The following SDK1 variants were observed in gnomAD, a reference collection of about 807,000 sequenced individuals.
SDK1 encodes the protein sidekick cell adhesion molecule 1, also known as protein sidekick-1.
In SDK1, 157 loss-of-function variants were observed where a neutral mutation model predicts 245.5. The ratio of observed to expected loss-of-function variants is 0.64; its 90% CI spans 0.56 to 0.73. The LOEUF is 0.73. Ranked by LOEUF, SDK1 falls within the 30% of genes least tolerant of loss-of-function variation. SDK1 has a pLI of 0.00. For missense variants in SDK1, 3,583 were observed against 3,002.3 expected, an observed-to-expected ratio of 1.19 and a Z score of -4.52; for synonymous variants, 1,647 against 1,278.5, an observed-to-expected ratio of 1.29 and a Z score of -6.15.
At chr7:3,324,497 A>G (rs780655940) in intron 1 of SDK1, among the ~76,000 whole-genome samples, 2 of 152,154 alleles carry the variant, frequency 1.3e-5, no homozygotes, top group African/African-American at 4.8e-5. Flanking sequence ...ATAGGATAAG[A>G]ATAGGAGGTG....
At chr7:3,952,111 T>C (rs900988223) in intron 7 of SDK1, 191 bp downstream of exon 7, 1 of 595,818 alleles carries the variant, frequency 1.7e-6, no homozygotes, top group Non-Finnish European at 2.9e-6. Context: ...AAATCCAAAG[T>C]GTTGATGTTC....
At chr7:3,741,447 T>C (rs1779471638) in intron 4 of SDK1, among the ~76,000 whole-genome samples, 1 of 152,214 alleles carries the variant, frequency 6.6e-6, no homozygotes, top group African/African-American at 2.4e-5. Flanking sequence ...GTGTGAAGCT[T>C]ATTTTAGCTG....
intron 1 of SDK1, among the ~76,000 whole-genome samples, chr7:3,516,763 T>C (rs1782764748): frequency 6.6e-6 from 1 of 152,200 alleles, no homozygotes; most frequent in Non-Finnish European, 1.5e-5. Context: ...GTTTGAAAGA[T>C]ACTGAGTATT....
intron 35 of SDK1, among the ~76,000 whole-genome samples, chr7:4,182,407 G>C (rs186893806): frequency 1.3e-5 from 2 of 152,190 alleles, no homozygotes; most frequent in Non-Finnish European, 2.9e-5. Flanking sequence ...TTGCCCCAGG[G>C]GTATTGCCAG....
chr7:4,022,936 G>A (rs887364141), intron 17 of SDK1, among the ~76,000 whole-genome samples: 6 of 151,790 alleles, frequency 4.0e-5, no homozygotes, highest in African/African-American at 1.2e-4. Flanking sequence ...AACATGCCCC[G>A]CTAATTTTTT....
chr7:3,467,399 T>C (rs1781042038), intron 1 of SDK1, among the ~76,000 whole-genome samples: 1 of 151,956 alleles, frequency 6.6e-6, no homozygotes, highest in South Asian at 2.1e-4. Flanking sequence ...TTTTGGTATA[T>C]GTAGAAATAT....
chr7:4,085,958 A>C (rs957693969), intron 22 of SDK1, among the ~76,000 whole-genome samples: 4 of 152,222 alleles, frequency 2.6e-5, no homozygotes, highest in African/African-American at 9.6e-5. Context: ...AGTGACATTC[A>C]CAGAAGTTTC....
chr7:3,369,913 C>T (rs11979048), intron 1 of SDK1, among the ~76,000 whole-genome samples: 2,356 of 152,260 alleles, frequency 0.015, 75 homozygotes, highest in African/African-American at 0.054. Context: ...GTGTACAGTG[C>T]GGACTGGGAG....
chr7:3,730,476 G>C (rs995564391), intron 4 of SDK1, among the ~76,000 whole-genome samples: 2 of 152,138 alleles, frequency 1.3e-5, no homozygotes, highest in African/African-American at 4.8e-5. Flanking sequence ...AGGTGGGTAG[G>C]ACACAGAAGG....
At chr7:3,437,757 A>C (rs1780071804) in intron 1 of SDK1, among the ~76,000 whole-genome samples, 1 of 152,196 alleles carries the variant, frequency 6.6e-6, no homozygotes, top group African/African-American at 2.4e-5. Context: ...TCTGCCAAAA[A>C]ATTAATAATA....
Position 3,999,095 on chromosome 7 carries a change from C to G in SDK1, c.2131+11773C>G, listed in dbSNP as rs141366236. Among the ~76,000 whole-genome samples, 5 of 152,264 alleles carry G rather than the reference C, an allele frequency of 3.3e-5. No individual in the cohort carries two copies. In the East Asian group the frequency reaches 9.7e-4, roughly 29 times the overall value. ...TTTCACTTTAGAATATCCTTAAGCT[C>G]TCTTTAAAAATAGGAGATATCTCTC... On this transcript the variant is annotated intron_variant, in intron 14 of 44. Coordinates refer to ENST00000404826, the MANE Select transcript of SDK1 (RefSeq NM_152744.4).
At chr7:3,545,713 T>A (rs554578203) in intron 1 of SDK1, among the ~76,000 whole-genome samples, 1 of 152,296 alleles carries the variant, frequency 6.6e-6, no homozygotes, top group East Asian at 1.9e-4. Context: ...GGGCACAGAA[T>A]TGGTTCTGTA....
intron 1 of SDK1, among the ~76,000 whole-genome samples, chr7:3,487,644 A>T (rs901303013): frequency 6.7e-6 from 1 of 148,324 alleles, no homozygotes; most frequent in Non-Finnish European, 1.5e-5. Flanking sequence ...AGTCCCAGCT[A>T]TTCGGAAGAC....
intron 4 of SDK1, among the ~76,000 whole-genome samples, chr7:3,666,333 G>A (rs1783531726): frequency 6.6e-6 from 1 of 152,180 alleles, no homozygotes; most frequent in Non-Finnish European, 1.5e-5. Flanking sequence ...AGCTGCCCCA[G>A]GTCTCTTGTC....
rs1351551417 is a variant in SDK1 at position 4,221,480 on chromosome 7, G to T, written c.5827+116G>T. On this transcript the variant is annotated intron_variant, in intron 40 of 44. Coordinates refer to ENST00000404826, the MANE Select transcript of SDK1 (RefSeq NM_152744.4). ...CAGCATTTTCCCCCCACAAAGCTGG[G>T]ACCAAGAGGGCGGTTTTGGTGAAAG... 3.0e-6 allele frequency: 4 copies of T among 1,320,180 alleles called. No homozygotes were observed. The African/African-American group carries it at 5.8e-5, about 19-fold the overall frequency. The allele number at this position is 1,320,180 out of a possible 1,614,324, so 81.8% of individuals were successfully genotyped here. A position where few individuals can be genotyped will look rare whatever the true frequency, so the allele number is the denominator to read the frequency against.
intron 5 of SDK1, among the ~76,000 whole-genome samples, chr7:3,921,853 C>G (rs761301559): frequency 6.6e-6 from 1 of 152,068 alleles, no homozygotes; most frequent in Non-Finnish European, 1.5e-5. Context: ...GTGGTCCCAG[C>G]TTCTTGGGAG....
At chr7:4,029,103 G>T (rs1321196939) in intron 17 of SDK1, among the ~76,000 whole-genome samples, 7 of 130,648 alleles carry the variant, frequency 5.4e-5, no homozygotes, top group Admixed American at 4.6e-4. Context: ...TCCGAGGTGG[G>T]TGGGGGTCAC....
At chr7:3,383,444 C>T (rs1293389360) in intron 1 of SDK1, among the ~76,000 whole-genome samples, 2 of 152,110 alleles carry the variant, frequency 1.3e-5, no homozygotes, top group Non-Finnish European at 2.9e-5. Context: ...TCCCTCTCCC[C>T]AGTTTGGAAG....
chr7:3,963,000 G>A (rs1781821293), intron 9 of SDK1, 149 bp downstream of exon 9: 2 of 540,240 alleles, frequency 3.7e-6, no homozygotes, highest in South Asian at 2.8e-5. Flanking sequence ...CAGCTCCATG[G>A]CTACCTGGAT....
Sources: allele counts gnomAD v4.1 joint callset (sites outside exome capture counted in the v4.1 genomes callset), GRCh38; gene constraint gnomAD v4.1.1; transcripts MANE v1.5; gene names NCBI Gene and HGNC (gene_info 2026-07-23, HGNC 2026-07-21).